CPB2: variants seen among roughly 807,000 people sequenced by gnomAD.
CPB2 encodes carboxypeptidase B2.
In CPB2, 54 loss-of-function variants were observed where a neutral mutation model predicts 57.0. The ratio of observed to expected loss-of-function variants is 0.95; its 90% CI spans 0.76 to 1.19. The LOEUF (loss-of-function observed/expected upper bound fraction) is 1.19. CPB2 is among the 50% of genes most tolerant of loss of function. The pLI is 0.00. For synonymous variants in CPB2, 189 were observed against 178.1 expected, an observed-to-expected ratio of 1.06 and a Z score of -0.49; for missense variants, 426 against 512.0, an observed-to-expected ratio of 0.83 and a Z score of 1.62.
At chr13:46,078,151 T>G (rs2045052960) in intron 5 of CPB2, among the ~76,000 whole-genome samples, 1 of 151,974 alleles carries the variant, frequency 6.6e-6, no homozygotes, top group Non-Finnish European at 1.5e-5. Flanking sequence ...TATCAAAACA[T>G]CACATGTGAG....
At chr13:46,064,487 C>T (rs2044822774) in intron 8 of CPB2, among the ~76,000 whole-genome samples, 161 bp downstream of exon 8, 1 of 152,166 alleles carries the variant, frequency 6.6e-6, no homozygotes, top group Non-Finnish European at 1.5e-5. Context: ...CTGACTCTGG[C>T]CAACAGTCGC....
At chr13:46,065,079 G>T (rs2044833538) in intron 7 of CPB2, among the ~76,000 whole-genome samples, 1 of 152,064 alleles carries the variant, frequency 6.6e-6, no homozygotes, top group African/African-American at 2.4e-5. Context: ...TTAATTTTAT[G>T]CACAGGGTCA....
chr13:46,053,631 C>T lies in CPB2; in HGVS notation c.1255G>A (p.Val419Ile). ...CAGGGGCATTAAACATTCCTAATGACATGCCAAGCTATTTTAGAGACAGCG... is the reference window on the plus strand; with the variant it reads ...CAGGGGCATTAAACATTCCTAATGATATGCCAAGCTATTTTAGAGACAGCG... Reference protein sequence around the residue: ...FAAVSKIAWHVIRNV With the variant: ...FAAVSKIAWHIIRNV Residue 419 changes from valine (V) to isoleucine (I), a missense_variant, in exon 11 of 11, where the codon GTC becomes ATC. Val to Ile is a conservative substitution (Grantham distance 29, BLOSUM62 3). Coordinates refer to ENST00000181383, the MANE Select transcript of CPB2 (RefSeq NM_001872.5). 6.2e-7 allele frequency: 1 copy of T among 1,613,930 alleles called. No homozygotes were observed. Among genetic ancestry groups the T allele is most frequent in the Non-Finnish European group, 8.5e-7 (1 of 1,179,868 alleles).
intron 4 of CPB2, 96 bp downstream of exon 4, chr13:46,082,345 C>T (rs2045131108): frequency 4.3e-6 from 3 of 697,480 alleles, no homozygotes; most frequent in Admixed American, 5.4e-5. Flanking sequence ...TTTTTACCAT[C>T]TTCCACCAAT....
chr13:46,072,931 A>G (rs1311465216), intron 6 of CPB2, among the ~76,000 whole-genome samples: 2 of 152,148 alleles, frequency 1.3e-5, no homozygotes, highest in Non-Finnish European at 2.9e-5. Flanking sequence ...AATCATCCTC[A>G]TTTGGCCAAG....
Position 46,087,733 on chromosome 13 carries a change from G to A in CPB2, c.150+12C>T, listed in dbSNP as rs756728033. The A allele has an allele frequency of 1.3e-6, 2 of 1,569,358 alleles. No individual in the cohort carries two copies. The highest frequency in any genetic ancestry group is 3.4e-5 in the Admixed American group (2 of 58,208). ...GTGAAACCAATATAAACATAAATTA[G>A]GGAGAAATTACCTCATATGTTGTAG... On this transcript the variant is annotated intron_variant, in intron 2 of 10. Coordinates refer to ENST00000181383, the MANE Select transcript of CPB2 (RefSeq NM_001872.5).
chr13:46,104,229 T>C (rs747882793), intron 1 of CPB2, among the ~76,000 whole-genome samples: 2 of 152,176 alleles, frequency 1.3e-5, no homozygotes, highest in Non-Finnish European at 2.9e-5. Context: ...AAAGCGATCA[T>C]AGAACCAAAA....
chr13:46,092,951 C>T (rs1303610176), intron 1 of CPB2, among the ~76,000 whole-genome samples: 1 of 152,116 alleles, frequency 6.6e-6, no homozygotes, highest in Non-Finnish European at 1.5e-5. Flanking sequence ...CTCGCTCTGT[C>T]ACCCAGGCTG....
At chr13:46,059,913 A>G (rs2044748166) in intron 8 of CPB2, among the ~76,000 whole-genome samples, 1 of 152,186 alleles carries the variant, frequency 6.6e-6, no homozygotes, top group Non-Finnish European at 1.5e-5. Context: ...CTTCCCAAGT[A>G]TTTCATTTTT....
intron 2 of CPB2, among the ~76,000 whole-genome samples, chr13:46,086,478 C>A (rs1048842163): frequency 2.6e-5 from 4 of 152,128 alleles, no homozygotes; most frequent in Non-Finnish European, 4.4e-5. Context: ...GTGGGTGGCT[C>A]CTCTCTACAG....
At chr13:46,062,078 C>T (rs1037642596) in intron 8 of CPB2, among the ~76,000 whole-genome samples, 26 of 104,452 alleles carry the variant, frequency 2.5e-4, no homozygotes, top group Non-Finnish European at 1.2e-4. Flanking sequence ...GCTTCTGTTT[C>T]TGTTTTTCAC....
intron 1 of CPB2, among the ~76,000 whole-genome samples, chr13:46,102,609 T>TTTA (rs1339147190): frequency 1.2e-4 from 17 of 147,382 alleles, no homozygotes; most frequent in Non-Finnish European, 2.2e-4. Flanking sequence ...TTTTTTTTTT[T>TTTA]AGAAGGGTTG....
chr13:46,091,200 T>C (rs192782485), intron 1 of CPB2, among the ~76,000 whole-genome samples: 45 of 152,338 alleles, frequency 3.0e-4, no homozygotes, highest in African/African-American at 1.1e-3. Flanking sequence ...TATAGATATT[T>C]GGGGGGATAT....
intron 3 of CPB2, among the ~76,000 whole-genome samples, chr13:46,083,670 T>C (rs990473766): frequency 6.6e-6 from 1 of 152,116 alleles, no homozygotes; most frequent in Admixed American, 6.6e-5. Flanking sequence ...GTAGGTGCTG[T>C]TTTTACCCTT....
chr13:46,085,886 C>CA (rs1332220679), intron 2 of CPB2, among the ~76,000 whole-genome samples: 4 of 152,204 alleles, frequency 2.6e-5, no homozygotes, highest in Admixed American at 1.3e-4. Flanking sequence ...TGGCAGGCTG[C>CA]ACTCATCTCG....
chr13:46,055,897 C>T lies in CPB2; in HGVS notation c.1000-48G>A, dbSNP rs766163952. 9.7e-5 allele frequency: 106 copies of T among 1,088,916 alleles called. 1 individual carries two copies. The Middle Eastern group carries it at 3.8e-3, about 39-fold the overall frequency. The allele number at this position is 1,088,916 out of a possible 1,614,324, so 67.5% of individuals were successfully genotyped here. A position where few individuals can be genotyped will look rare whatever the true frequency, so the allele number is the denominator to read the frequency against. On this transcript the variant is annotated intron_variant, in intron 9 of 10. Transcript: ENST00000181383. The stretch of plus-strand genomic sequence containing the variant: ...TTTCAGTTAATGTGCAGCTTTGAAA[C>T]ATGACAAGTAGAAGTTTCTAAAAAA...
chr13:46,091,083 C>G (rs1170482004), intron 1 of CPB2, among the ~76,000 whole-genome samples: 1 of 152,146 alleles, frequency 6.6e-6, no homozygotes, highest in African/African-American at 2.4e-5. Flanking sequence ...TAAATGGTAA[C>G]TTTTAACATG....
intron 4 of CPB2, among the ~76,000 whole-genome samples, chr13:46,080,385 A>G (rs1429716367): frequency 6.6e-6 from 1 of 152,232 alleles, no homozygotes; most frequent in Non-Finnish European, 1.5e-5. Context: ...TATGGTTCCT[A>G]TGAACCTGTT....
At chr13:46,086,984 G>A (rs984651226) in intron 2 of CPB2, among the ~76,000 whole-genome samples, 6 of 152,246 alleles carry the variant, frequency 3.9e-5, no homozygotes, top group African/African-American at 1.4e-4. Context: ...GACAGTGGGA[G>A]CAGGCACTTG....
Sources: gnomAD v4.1 joint callset for allele counts (sites outside exome capture counted in the v4.1 genomes callset) on GRCh38, gnomAD v4.1.1 for gene constraint, MANE v1.5 for transcripts, NCBI Gene and HGNC (gene_info 2026-07-23, HGNC 2026-07-21) for gene names.